Variants in DIAPH2 observed in about 807,000 individuals in gnomAD.
The protein encoded by DIAPH2 is diaphanous related formin 2.
In DIAPH2, 35 loss-of-function variants were observed where a neutral mutation model predicts 92.7. The ratio of observed to expected loss-of-function variants is 0.38; its 90% CI spans 0.29 to 0.50. DIAPH2 has a LOEUF of 0.50. DIAPH2 is among the 20% of genes least tolerant of loss of function. DIAPH2 has a pLI of 0.94. For missense variants in DIAPH2, 701 were observed against 819.5 expected (o/e 0.86, Z 1.77); for synonymous variants, 301 against 280.4 (o/e 1.07, Z -0.73).
chrX:97,412,074 C>G (rs1039829428), intron 25 of DIAPH2, among the ~76,000 whole-genome samples: 2 of 112,110 alleles, frequency 1.8e-5, no homozygotes, highest in African/African-American at 3.2e-5. Flanking sequence ...CTACAGTACT[C>G]TCCACCCGAA....
intron 26 of DIAPH2, among the ~76,000 whole-genome samples, chrX:97,498,530 G>A (rs148387763): frequency 0.013 from 1,395 of 111,551 alleles, 20 homozygotes; most frequent in African/African-American, 0.043. Context: ...TGACCTATAT[G>A]TAAAGTACCT....
At chrX:97,108,888 A>G (rs1365579419) in intron 20 of DIAPH2, among the ~76,000 whole-genome samples, 2 of 111,113 alleles carry the variant, frequency 1.8e-5, no homozygotes, top group African/African-American at 6.6e-5. Context: ...GGTTTGGGGG[A>G]AAAGATAAGG....
At chrX:97,261,809 T>C (rs998159275) in intron 23 of DIAPH2, among the ~76,000 whole-genome samples, 1 of 111,587 alleles carries the variant, frequency 9.0e-6, no homozygotes, top group Admixed American at 9.6e-5. Flanking sequence ...GGGATTGTAT[T>C]AGGTGATCTT....
At chrX:97,176,228 G>C (rs1246110841) in intron 22 of DIAPH2, among the ~76,000 whole-genome samples, 1 of 112,133 alleles carries the variant, frequency 8.9e-6, no homozygotes, top group Non-Finnish European at 1.9e-5. Flanking sequence ...AAATGCCTTA[G>C]TTACAGATAA....
chrX:97,117,879 A>G (rs1176066940), intron 21 of DIAPH2, among the ~76,000 whole-genome samples: 1 of 112,000 alleles, frequency 8.9e-6, no homozygotes, highest in Non-Finnish European at 1.9e-5. Context: ...TTCAATGAAG[A>G]TGAGCTCCCA....
intron 26 of DIAPH2, among the ~76,000 whole-genome samples, chrX:97,447,180 T>A (rs1389030551): frequency 9.0e-6 from 1 of 111,459 alleles, no homozygotes; most frequent in Non-Finnish European, 1.9e-5. Context: ...TTTCTTTTTT[T>A]TTTCTTCCGT....
intron 17 of DIAPH2, among the ~76,000 whole-genome samples, chrX:97,019,143 A>G (rs1206266031): frequency 8.9e-6 from 1 of 111,962 alleles, no homozygotes; most frequent in East Asian, 2.8e-4. Context: ...TCTAAGTTTT[A>G]GTAATTATGA....
intron 17 of DIAPH2, among the ~76,000 whole-genome samples, chrX:96,990,136 A>G (rs16982265): frequency 0.058 from 6,557 of 112,088 alleles, 476 homozygotes; most frequent in African/African-American, 0.2. Flanking sequence ...AGCAAAGGGA[A>G]AATGTCAACC....
intron 23 of DIAPH2, among the ~76,000 whole-genome samples, chrX:97,317,939 C>A (rs191804828): frequency 3.6e-5 from 4 of 111,780 alleles, no homozygotes; most frequent in Admixed American, 1.9e-4. Context: ...GTATCCATCA[C>A]CTGTGCATTT....
intron 22 of DIAPH2, among the ~76,000 whole-genome samples, chrX:97,173,035 A>G (rs1280352127): frequency 1.8e-5 from 2 of 112,602 alleles, no homozygotes; most frequent in Non-Finnish European, 3.7e-5. Context: ...GGAATACCAC[A>G]ACTAAAAGTA....
chrX:97,554,854 A>T, intron 26 of DIAPH2, among the ~76,000 whole-genome samples: 1 of 112,035 alleles, frequency 8.9e-6, no homozygotes, highest in Middle Eastern at 4.6e-3. Context: ...ACTTACTATA[A>T]GTGTGTACTA....
intron 21 of DIAPH2, among the ~76,000 whole-genome samples, chrX:97,119,683 C>G (rs1340337845): frequency 9.0e-6 from 1 of 111,489 alleles, no homozygotes; most frequent in Non-Finnish European, 1.9e-5. Flanking sequence ...TGGGGCAGGT[C>G]TAGGCATGTC....
At chrX:96,702,915 C>T (rs1265747302) in intron 1 of DIAPH2, among the ~76,000 whole-genome samples, 1 of 111,476 alleles carries the variant, frequency 9.0e-6, no homozygotes, top group Admixed American at 9.5e-5. Flanking sequence ...GTTCTACCTT[C>T]ATGACCTCAT....
intron 12 of DIAPH2, among the ~76,000 whole-genome samples, chrX:96,939,988 C>T (rs1315170583): frequency 9.2e-6 from 1 of 108,311 alleles, no homozygotes; most frequent in Non-Finnish European, 1.9e-5. Context: ...AAAAGGTGTT[C>T]ATTTTTTAAA....
intron 26 of DIAPH2, among the ~76,000 whole-genome samples, chrX:97,490,551 A>G (rs759633899): frequency 1.9e-3 from 203 of 108,667 alleles, no homozygotes; most frequent in African/African-American, 6.6e-3. Flanking sequence ...ATCACCATAA[A>G]TATCCCTCTT....
intron 17 of DIAPH2, among the ~76,000 whole-genome samples, chrX:96,975,486 A>G (rs948010044): frequency 2.7e-5 from 3 of 111,962 alleles, no homozygotes; most frequent in African/African-American, 9.7e-5. Flanking sequence ...ATAATTTGTC[A>G]TCTTAATGGC....
At chrX:97,499,336 G>A (rs1313610712) in intron 26 of DIAPH2, among the ~76,000 whole-genome samples, 2 of 112,033 alleles carry the variant, frequency 1.8e-5, no homozygotes, top group African/African-American at 6.5e-5. Flanking sequence ...GGATAGCTAA[G>A]CTTACAGTTG....
At chrX:96,904,031 C>T (rs1359554350) in intron 5 of DIAPH2, among the ~76,000 whole-genome samples, 1 of 112,069 alleles carries the variant, frequency 8.9e-6, no homozygotes, top group Non-Finnish European at 1.9e-5. Flanking sequence ...AGAAAGAATG[C>T]ACATTTCCTA....
chrX:96,957,044 G>A (rs1436357147), intron 15 of DIAPH2, among the ~76,000 whole-genome samples: 2 of 112,218 alleles, frequency 1.8e-5, no homozygotes, highest in African/African-American at 6.5e-5. Flanking sequence ...TCTTTGAGAC[G>A]GAGTCTCGCT....
Sources: allele counts gnomAD v4.1 joint callset (sites outside exome capture counted in the v4.1 genomes callset), GRCh38; gene constraint gnomAD v4.1.1; transcripts MANE v1.5; gene names NCBI Gene and HGNC (gene_info 2026-07-23, HGNC 2026-07-21).